The following CMSS1 variants were observed in gnomAD, a reference collection of about 807,000 sequenced individuals.
CMSS1 encodes the protein protein CMSS1.
Under a neutral mutation model 43.5 loss-of-function variants are expected in CMSS1, and 33 were observed. The ratio of observed to expected loss-of-function variants is 0.76; its 90% confidence interval spans 0.57 to 1.01. CMSS1 has a LOEUF of 1.01. Ranked by LOEUF, CMSS1 falls within the 50% of genes least tolerant of loss-of-function variation. The pLI, the probability that CMSS1 is intolerant of heterozygous loss-of-function variation, is 0.00. For synonymous variants in CMSS1, 115 were observed against 117.2 expected (o/e 0.98, Z 0.12); for missense variants, 313 against 326.4 (o/e 0.96, Z 0.32).
At chr3:100,128,834 A>C (rs764200651) in intron 1 of CMSS1, among the ~76,000 whole-genome samples, 2 of 152,236 alleles carry the variant, frequency 1.3e-5, no homozygotes, top group Non-Finnish European at 1.5e-5. Flanking sequence ...TTTGTCAGCT[A>C]TCTATTCCTT....
chr3:100,019,928 G>C (rs2064777284), intron 1 of CMSS1, among the ~76,000 whole-genome samples: 1 of 152,110 alleles, frequency 6.6e-6, no homozygotes, highest in African/African-American at 2.4e-5. Flanking sequence ...GAATGAGATT[G>C]AGGGCAGGGG....
rs148513874 is a variant in CMSS1 at position 100,178,075 on chromosome 3, C to T, written c.757-230C>T. Among the ~76,000 whole-genome samples, 162 of 152,256 alleles carry T rather than the reference C, an allele frequency of 1.1e-3. 1 individual carries two copies. Among genetic ancestry groups the T allele is most frequent in the African/African-American group, 3.6e-3 (148 of 41,552 alleles). On this transcript the variant is annotated intron_variant, in intron 9 of 9. Transcript: ENST00000421999. ...CAGAGATAGCAGTTAGCCGAGATCA[C>T]GCCACTGCACTCCAGCATGGGCAAC...
chr3:99,983,442 GTA>G (rs1559713546), intron 1 of CMSS1, among the ~76,000 whole-genome samples: 9 of 12,014 alleles, frequency 7.5e-4, no homozygotes, highest in Non-Finnish European at 1.5e-3. Context: ...GTATATATAT[GTA>G]TGTATATATA....
intron 1 of CMSS1, among the ~76,000 whole-genome samples, chr3:99,951,007 T>C (rs1458884371): frequency 6.6e-6 from 1 of 152,224 alleles, no homozygotes; most frequent in East Asian, 1.9e-4. Flanking sequence ...CCCTGCTTGG[T>C]TTGGCCCACA....
chr3:99,944,099 G>A (rs770240493), intron 1 of CMSS1, among the ~76,000 whole-genome samples: 8 of 152,160 alleles, frequency 5.3e-5, no homozygotes, highest in Non-Finnish European at 1.2e-4. Flanking sequence ...ATAACTAGTG[G>A]ATTTTTAGCA....
At chr3:99,877,866 CT>C (rs149579221) in intron 1 of CMSS1, among the ~76,000 whole-genome samples, 241 of 152,280 alleles carry the variant, frequency 1.6e-3, no homozygotes, top group African/African-American at 5.5e-3. Flanking sequence ...TACCCCAAAG[CT>C]AACAGTTTTG....
chr3:99,863,428 G>A (rs957142065), intron 1 of CMSS1, among the ~76,000 whole-genome samples: 3 of 152,262 alleles, frequency 2.0e-5, no homozygotes, highest in East Asian at 1.9e-4. Context: ...TGGGTTGACT[G>A]GGTTAGTACA....
At chr3:100,022,565 T>A (rs569052158) in intron 1 of CMSS1, among the ~76,000 whole-genome samples, 1 of 152,340 alleles carries the variant, frequency 6.6e-6, no homozygotes, top group South Asian at 2.1e-4. Context: ...ACCCTTGGTT[T>A]ATTATTCTTT....
chr3:99,848,526 A>C (rs747188276), intron 1 of CMSS1: 1 of 1,614,054 alleles, frequency 6.2e-7, no homozygotes, highest in African/African-American at 1.3e-5. Flanking sequence ...CACTTGAGCT[A>C]TTGCTGTTTG....
chr3:99,827,998 G>C (rs1349987593), intron 1 of CMSS1, among the ~76,000 whole-genome samples: 1 of 152,156 alleles, frequency 6.6e-6, no homozygotes, highest in African/African-American at 2.4e-5. Flanking sequence ...ATGTACTTTA[G>C]GAAGTCTCCT....
At chr3:99,946,042 G>C (rs184952106) in intron 1 of CMSS1, among the ~76,000 whole-genome samples, 8 of 152,280 alleles carry the variant, frequency 5.3e-5, no homozygotes, top group African/African-American at 1.9e-4. Context: ...CCAATAAAAA[G>C]ATAAAGTTCT....
chr3:100,063,672 T>A (rs991912898), intron 1 of CMSS1, among the ~76,000 whole-genome samples: 7 of 152,222 alleles, frequency 4.6e-5, no homozygotes, highest in African/African-American at 1.7e-4. Flanking sequence ...TAAATACCAC[T>A]TTTTAACTGG....
chr3:99,930,288 TATC>T (rs1707436400), intron 1 of CMSS1, among the ~76,000 whole-genome samples: 1 of 152,224 alleles, frequency 6.6e-6, no homozygotes, highest in African/African-American at 2.4e-5. Context: ...GACAAGCAGA[TATC>T]ATGATATCCA....
chr3:100,081,207 C>G (rs1387123669), intron 1 of CMSS1, among the ~76,000 whole-genome samples: 1 of 152,186 alleles, frequency 6.6e-6, no homozygotes, highest in Non-Finnish European at 1.5e-5. Flanking sequence ...CGAAGCCACC[C>G]AAGAGTCCTT....
chr3:99,833,270 C>G (rs762002177), intron 1 of CMSS1: 4 of 1,608,146 alleles, frequency 2.5e-6, no homozygotes, highest in Admixed American at 1.7e-5. Flanking sequence ...ACCTAGGGAG[C>G]AGTAGAAAGA....
At chr3:99,839,823 A>G (rs908545378) in intron 1 of CMSS1, among the ~76,000 whole-genome samples, 1 of 152,200 alleles carries the variant, frequency 6.6e-6, no homozygotes, top group African/African-American at 2.4e-5. Context: ...TTTGAGGCTT[A>G]TGTTTCATCA....
At chr3:99,843,166 A>G (rs1943208944) in intron 1 of CMSS1, among the ~76,000 whole-genome samples, 1 of 152,202 alleles carries the variant, frequency 6.6e-6, no homozygotes, top group African/African-American at 2.4e-5. Flanking sequence ...GTTTTGGTTC[A>G]TCTAACTGCC....
intron 1 of CMSS1, among the ~76,000 whole-genome samples, chr3:99,891,165 A>G (rs753892047): frequency 6.6e-6 from 1 of 151,986 alleles, no homozygotes; most frequent in Admixed American, 6.6e-5. Flanking sequence ...CTAACTCCCA[A>G]TGCCATAGTT....
At chr3:100,044,173 C>T (rs114176570) in intron 1 of CMSS1, among the ~76,000 whole-genome samples, 77 of 152,308 alleles carry the variant, frequency 5.1e-4, no homozygotes, top group African/African-American at 1.6e-3. Context: ...GAGCCAGTTA[C>T]TTGCCTCGTT....
Sources: gnomAD v4.1 joint callset for allele counts (sites outside exome capture counted in the v4.1 genomes callset) on GRCh38, gnomAD v4.1.1 for gene constraint, MANE v1.5 for transcripts, NCBI Gene and HGNC (gene_info 2026-07-23, HGNC 2026-07-21) for gene names.